Variants in PPP2R3A observed in about 807,000 individuals in gnomAD.
PPP2R3A encodes the protein serine/threonine-protein phosphatase 2A regulatory subunit B'' subunit alpha.
A neutral mutation model predicts 106.9 loss-of-function variants in PPP2R3A; 80 were observed. The observed-to-expected ratio is 0.75, with a 90% confidence interval of 0.62 to 0.90. The LOEUF is 0.90. PPP2R3A is among the 40% of genes least tolerant of loss of function. The pLI, the probability that PPP2R3A is intolerant of heterozygous loss-of-function variation, is 0.00. For missense variants in PPP2R3A, 1,386 were observed against 1,350.4 expected (o/e 1.03, Z -0.41); for synonymous variants, 483 against 468.3 (o/e 1.03, Z -0.41).
intron 4 of PPP2R3A, among the ~76,000 whole-genome samples, chr3:136,043,680 G>A (rs1935374333): frequency 6.6e-6 from 1 of 152,176 alleles, no homozygotes; most frequent in African/African-American, 2.4e-5. Context: ...TAGAGTATCA[G>A]CTTTTGGGCA....
At chr3:136,017,240 C>G (rs1934308742) in intron 2 of PPP2R3A, among the ~76,000 whole-genome samples, 1 of 152,208 alleles carries the variant, frequency 6.6e-6, no homozygotes, top group Non-Finnish European at 1.5e-5. Context: ...TACCTCACAG[C>G]TCTTAGGATT....
At chr3:135,999,077 T>A (rs1933515035) in intron 1 of PPP2R3A, among the ~76,000 whole-genome samples, 1 of 152,246 alleles carries the variant, frequency 6.6e-6, no homozygotes, top group Admixed American at 6.5e-5. Flanking sequence ...CATTGAGCAC[T>A]CCGAAGACAT....
chr3:136,040,731 G>A (rs1576454986), intron 3 of PPP2R3A, 128 bp from the exon 4 acceptor site: 2 of 604,318 alleles, frequency 3.3e-6, no homozygotes, highest in East Asian at 6.4e-5. Context: ...CTATGCTCCA[G>A]TTTTGTTCTC....
At chr3:136,113,589 G>A (rs747911953) in intron 13 of PPP2R3A, among the ~76,000 whole-genome samples, 2 of 152,090 alleles carry the variant, frequency 1.3e-5, no homozygotes, top group African/African-American at 2.4e-5. Context: ...CTAGGAGTTC[G>A]AGACTAGCCT....
intron 13 of PPP2R3A, among the ~76,000 whole-genome samples, chr3:136,126,781 G>A (rs1348453079): frequency 2.0e-5 from 3 of 152,118 alleles, no homozygotes; most frequent in Admixed American, 6.6e-5. Context: ...CCTCTAGAAC[G>A]AAGCTTCCAG....
chr3:136,103,737 C>T (rs1460299676), intron 12 of PPP2R3A, among the ~76,000 whole-genome samples: 1 of 152,176 alleles, frequency 6.6e-6, no homozygotes, highest in Non-Finnish European at 1.5e-5. Context: ...CCTTGATTCA[C>T]TTGTACCATT....
At chr3:136,054,547 G>A (rs992907569) in intron 5 of PPP2R3A, among the ~76,000 whole-genome samples, 45 of 152,090 alleles carry the variant, frequency 3.0e-4, no homozygotes, top group African/African-American at 9.4e-4. Context: ...ATGAGCCACC[G>A]CGTCCAGCCT....
In PPP2R3A at chr3:135,986,265, G is replaced by T. The variant is rs572683908; in HGVS notation, c.-440-14794G>T. ...TGAGTCCCACAGGGCTCAGCGGAAG[G>T]GTTAAGTTTTCAGGAGGTAGAAGGG... On this transcript the variant is annotated intron_variant, in intron 1 of 13. Coordinates refer to ENST00000264977, the MANE Select transcript of PPP2R3A (RefSeq NM_002718.5). Among the ~76,000 whole-genome samples, 9 of 152,156 alleles carry T rather than the reference G, an allele frequency of 5.9e-5. No homozygotes were observed. The South Asian group carries it at 1.7e-3, about 28-fold the overall frequency.
intron 2 of PPP2R3A, among the ~76,000 whole-genome samples, chr3:136,021,906 A>G (rs1410077225): frequency 6.6e-6 from 1 of 152,144 alleles, no homozygotes; most frequent in Non-Finnish European, 1.5e-5. Flanking sequence ...GAAATGCTTT[A>G]AAGTATATGG....
chr3:136,019,318 A>G (rs1463258048), intron 2 of PPP2R3A, among the ~76,000 whole-genome samples: 1 of 152,148 alleles, frequency 6.6e-6, no homozygotes, highest in African/African-American at 2.4e-5. Flanking sequence ...ACAGCTCCTA[A>G]TTTTCCACGT....
Position 136,004,476 on chromosome 3 carries a change from C to T in PPP2R3A, c.1995+983C>T, listed in dbSNP as rs182995668. Among the ~76,000 whole-genome samples the T allele has an allele frequency of 2.8e-4, 42 of 152,316 alleles. 1 individual carries two copies. Among genetic ancestry groups the T allele is most frequent in the Non-Finnish European group, 3.1e-4 (21 of 68,026 alleles). ...CTGCCTTGTCCCAAACTTGGACACA[C>T]TTCATTTCTGTTCACAGTCCAGTGA... On this transcript the variant is annotated intron_variant, in intron 2 of 13. Coordinates refer to ENST00000264977, the MANE Select transcript of PPP2R3A (RefSeq NM_002718.5).
intron 5 of PPP2R3A, chr3:136,055,438 T>A: frequency 9.1e-7 from 1 of 1,093,528 alleles, no homozygotes; most frequent in Non-Finnish European, 1.4e-6. Context: ...TGCAAATGCT[T>A]AAGGCACAAA....
chr3:135,996,085 A>G (rs1559857788), intron 1 of PPP2R3A, among the ~76,000 whole-genome samples: 1 of 152,186 alleles, frequency 6.6e-6, no homozygotes, highest in African/African-American at 2.4e-5. Context: ...ACCATGTCAC[A>G]GTTCTGCCTG....
At chr3:136,045,213 C>T (rs1935431100) in intron 4 of PPP2R3A, among the ~76,000 whole-genome samples, 1 of 152,184 alleles carries the variant, frequency 6.6e-6, no homozygotes, top group African/African-American at 2.4e-5. Context: ...CCTGCGAGAG[C>T]GCTTTTGCCA....
chr3:136,113,294 A>G (rs75279153), intron 13 of PPP2R3A, among the ~76,000 whole-genome samples: 6,170 of 152,260 alleles, frequency 0.041, 452 homozygotes, highest in African/African-American at 0.14. Flanking sequence ...GAACAAGATT[A>G]TATGGAACAC....
Position 136,001,076 on chromosome 3 carries a change from A to G in PPP2R3A, c.-423A>G, listed in dbSNP as rs1219923334. ...TATTACAGGTTTCTCTGTCATTCAC[A>G]GAAAAATGAATCATTTAAACCTTTG... is the stretch of plus-strand genomic sequence containing the variant. On this transcript the variant is annotated 5_prime_UTR_variant, in exon 2 of 14. Coordinates refer to ENST00000264977, the MANE Select transcript of PPP2R3A (RefSeq NM_002718.5). 5.0e-6 allele frequency: 2 copies of G among 398,072 alleles called. No homozygotes were observed. Among genetic ancestry groups the G allele is most frequent in the Non-Finnish European group, 8.9e-6 (2 of 225,892 alleles). The allele number at this position is 398,072 out of a possible 1,614,324, so 24.7% of individuals were successfully genotyped here.
rs892056808 is a variant in PPP2R3A, at chr3:136,123,081, T to A, written c.3329+16759T>A. Reference sequence around the variant, plus strand: ...TAAAAATGACCAGTTGCTGTGTTAATTTATTAATTTAATATAATTTATCCC... The same window carrying A: ...TAAAAATGACCAGTTGCTGTGTTAAATTATTAATTTAATATAATTTATCCC... On this transcript the variant is annotated intron_variant, in intron 13 of 13. Transcript: ENST00000264977. 4.9e-5 allele frequency among the ~76,000 whole-genome samples: 7 copies of A among 142,804 alleles called. No homozygotes were observed. The East Asian group carries it at 5.8e-4, about 12-fold the overall frequency. The allele number at this position is 142,804 out of a possible 152,430, so 93.7% of individuals were successfully genotyped here.
chr3:136,129,703 A>C (rs948369746), intron 13 of PPP2R3A, among the ~76,000 whole-genome samples: 2 of 152,216 alleles, frequency 1.3e-5, no homozygotes, highest in Admixed American at 1.3e-4. Context: ...AGCCTACCAG[A>C]GACACAACAA....
intron 5 of PPP2R3A, chr3:136,055,134 A>C: frequency 1.4e-6 from 1 of 701,566 alleles, no homozygotes; most frequent in Non-Finnish European, 2.2e-6. Flanking sequence ...TTTTTTCCTC[A>C]AAGATTCCTT....
Sources: allele counts gnomAD v4.1 joint callset (sites outside exome capture counted in the v4.1 genomes callset), GRCh38; gene constraint gnomAD v4.1.1; transcripts MANE v1.5; gene names NCBI Gene and HGNC (gene_info 2026-07-23, HGNC 2026-07-21).